STS: variants seen among roughly 807,000 people sequenced by gnomAD.
The protein encoded by STS is steroid sulfatase, also known as steryl-sulfatase.
STS carries 7 observed loss-of-function variants against 26.8 expected under a neutral mutation model. The ratio of observed to expected loss-of-function variants is 0.26; its 90% CI spans 0.15 to 0.49. The LOEUF is 0.49. STS is among the 20% of genes least tolerant of loss of function. The pLI, the probability that STS is intolerant of heterozygous loss-of-function variation, is 0.98. For synonymous variants in STS, 199 were observed against 189.4 expected (o/e 1.05, Z -0.42); for missense variants, 434 against 465.6 (o/e 0.93, Z 0.63).
At chrX:7,148,283 C>A in intron 1 of STS, 200 bp downstream of exon 1, 1 of 279,263 alleles carries the variant, frequency 3.6e-6, no homozygotes, top group East Asian at 5.7e-5. Flanking sequence ...TGCCTAGTGG[C>A]GCTCCGCGCA....
At position 7,259,465 on chromosome X, in the gene STS, C is replaced by A. The variant is rs761932927; in HGVS notation, c.499C>A (p.Pro167Thr). Residue 167 changes from proline to threonine, a missense_variant, in exon 6 of 11, where the codon CCC becomes ACC. By Grantham distance (38) the Pro-to-Thr change is conservative. Transcript: ENST00000674429. ...ISLTNLRDCKPGEGSVFTTGF... is the reference protein window; with the variant it reads ...ISLTNLRDCKTGEGSVFTTGF... ...TTTGACCAATCTGAGAGACTGCAAG[C>A]CCGGAGAGGGCAGTGTCTTCACCAC... The A allele has an allele frequency of 8.3e-7, 1 of 1,209,708 alleles. No individual in the cohort carries two copies. The highest frequency in any genetic ancestry group is 1.7e-5 in the African/African-American group (1 of 57,144).
intron 9 of STS, 75 bp from the exon 10 acceptor site, chrX:7,333,911 C>T: frequency 8.4e-7 from 1 of 1,195,794 alleles, no homozygotes; most frequent in Non-Finnish European, 1.1e-6. Flanking sequence ...CTCCCTCATG[C>T]TCTTATTGGT....
At chrX:7,235,480 A>G (rs1295397963) in intron 2 of STS, among the ~76,000 whole-genome samples, 1 of 111,975 alleles carries the variant, frequency 8.9e-6, no homozygotes, top group African/African-American at 3.2e-5. Context: ...CTGTTTGAAA[A>G]ATATTTAGTT....
At chrX:7,155,975 C>A (rs1386305631) in intron 1 of STS, among the ~76,000 whole-genome samples, 3 of 110,078 alleles carry the variant, frequency 2.7e-5, no homozygotes, top group Non-Finnish European at 5.7e-5. Context: ...ATGGTGAAAC[C>A]CCATCTCTAC....
chrX:7,258,078 A>G (rs760315461), intron 5 of STS, among the ~76,000 whole-genome samples: 1 of 100,572 alleles, frequency 9.9e-6, no homozygotes, highest in African/African-American at 3.7e-5. Flanking sequence ...CTAGCTAGCT[A>G]GATAGATAGA....
chrX:7,185,650 G>A (rs1933759212), intron 1 of STS, among the ~76,000 whole-genome samples: 1 of 112,558 alleles, frequency 8.9e-6, no homozygotes, highest in African/African-American at 3.2e-5. Context: ...GAGGAAAAGA[G>A]CAGTACCTAA....
Position 7,191,004 on chromosome X carries a change from A to G in STS, c.-9A>G. ...GGCGCAAGATCGTCTTCAGCTGTTC[A>G]TAGCGTAAGTATGAGAGGTGCATAT... On this transcript the variant is annotated 5_prime_UTR_variant, in exon 2 of 11. Coordinates refer to ENST00000674429, the MANE Select transcript of STS (RefSeq NM_001320752.2). The G allele has an allele frequency of 1.3e-6, 1 of 753,376 alleles. No homozygotes were observed. Among genetic ancestry groups the G allele is most frequent in the Non-Finnish European group, 1.6e-6 (1 of 638,773 alleles). The allele number at this position is 753,376 out of a possible 1,213,427, so 62.1% of individuals were successfully genotyped here. A position where few individuals can be genotyped will look rare whatever the true frequency, so the allele number is the denominator to read the frequency against.
chrX:7,316,705 A>G (rs1926728736), intron 8 of STS, among the ~76,000 whole-genome samples: 3 of 112,068 alleles, frequency 2.7e-5, no homozygotes, highest in African/African-American at 9.7e-5. Flanking sequence ...TAGATGGGTA[A>G]TACGTTGGTG....
chrX:7,203,970 A>G (rs1601648692), intron 2 of STS, among the ~76,000 whole-genome samples: 1 of 111,114 alleles, frequency 9.0e-6, no homozygotes, highest in East Asian at 2.8e-4. Flanking sequence ...TTTTTTGTAG[A>G]GATGGGGTCT....
chrX:7,328,662 C>T (rs957970854), intron 9 of STS, among the ~76,000 whole-genome samples: 1 of 107,866 alleles, frequency 9.3e-6, no homozygotes, highest in Non-Finnish European at 1.9e-5. Context: ...CAGGCTCAAG[C>T]GATTCTCCTG....
chrX:7,268,193 CT>C (rs1924099771), intron 6 of STS, among the ~76,000 whole-genome samples: 2 of 111,647 alleles, frequency 1.8e-5, no homozygotes, highest in South Asian at 7.5e-4. Flanking sequence ...ATGGTCTGTA[CT>C]TTTATGATAA....
intron 8 of STS, among the ~76,000 whole-genome samples, chrX:7,309,032 G>A (rs910639112): frequency 9.0e-5 from 10 of 111,025 alleles, no homozygotes; most frequent in Non-Finnish European, 1.9e-4. Flanking sequence ...TTCCTTTTGA[G>A]AGAATCTCGC....
intron 1 of STS, among the ~76,000 whole-genome samples, chrX:7,171,124 T>C (rs1167279704): frequency 5.4e-5 from 6 of 111,522 alleles, no homozygotes; most frequent in South Asian, 3.8e-4. Flanking sequence ...GGCTGCAGTT[T>C]GTCGCCACCT....
At chrX:7,257,039 G>T (rs1226100611) in intron 3 of STS, among the ~76,000 whole-genome samples, 2 of 111,924 alleles carry the variant, frequency 1.8e-5, no homozygotes, top group Non-Finnish European at 3.8e-5. Context: ...ATCACTTGAG[G>T]TCAGGAGTTT....
intron 8 of STS, among the ~76,000 whole-genome samples, chrX:7,314,122 AGG>A (rs1926602926): frequency 8.9e-6 from 1 of 111,852 alleles, no homozygotes; most frequent in African/African-American, 3.3e-5. Flanking sequence ...TGGGAGGCCA[AGG>A]CAGAAGGATC....
At chrX:7,296,375 G>A (rs1444994878) in intron 7 of STS, among the ~76,000 whole-genome samples, 2 of 112,095 alleles carry the variant, frequency 1.8e-5, no homozygotes, top group South Asian at 3.7e-4. Context: ...AAATACAATG[G>A]CATTGCTGGA....
chrX:7,348,962 T>A, intron 10 of STS, among the ~76,000 whole-genome samples: 1 of 110,448 alleles, frequency 9.1e-6, no homozygotes, highest in Admixed American at 9.7e-5. Flanking sequence ...TTTTTGTTTA[T>A]TTTTGTGGGT....
intron 7 of STS, among the ~76,000 whole-genome samples, chrX:7,292,808 T>C (rs1356930594): frequency 9.0e-6 from 1 of 111,124 alleles, no homozygotes; most frequent in Non-Finnish European, 1.9e-5. Flanking sequence ...CATTTCTTAA[T>C]TTAAGAGTAT....
At chrX:7,279,477 C>T (rs1924751295) in intron 7 of STS, among the ~76,000 whole-genome samples, 1 of 102,474 alleles carries the variant, frequency 9.8e-6, no homozygotes, top group Non-Finnish European at 2.0e-5. Context: ...ACAGGTTATG[C>T]GGGTCAGGGA....
Sources: gnomAD v4.1 joint callset for allele counts (sites outside exome capture counted in the v4.1 genomes callset) on GRCh38, gnomAD v4.1.1 for gene constraint, MANE v1.5 for transcripts, NCBI Gene and HGNC (gene_info 2026-07-23, HGNC 2026-07-21) for gene names.